KLB: variants seen among roughly 807,000 people sequenced by gnomAD.
The protein encoded by KLB is beta-klotho.
KLB carries 44 observed loss-of-function variants against 88.4 expected under a neutral mutation model. The ratio of observed to expected loss-of-function variants is 0.50; its 90% CI spans 0.39 to 0.64. KLB has a LOEUF of 0.64. KLB is among the 30% of genes least tolerant of loss of function. KLB has a pLI of 0.00. For synonymous variants in KLB, 548 were observed against 513.4 expected, an observed-to-expected ratio of 1.07 and a Z score of -0.91; for missense variants, 1,137 against 1,304.8, an observed-to-expected ratio of 0.87 and a Z score of 1.98.
intron 1 of KLB, among the ~76,000 whole-genome samples, chr4:39,429,688 C>A (rs1416761109): frequency 2.0e-5 from 3 of 152,186 alleles, no homozygotes; most frequent in Non-Finnish European, 4.4e-5. Flanking sequence ...TGCAAGGTTG[C>A]AGGGCCCAGG....
intron 3 of KLB, among the ~76,000 whole-genome samples, chr4:39,440,086 G>A (rs895758539): frequency 6.6e-6 from 1 of 151,840 alleles, no homozygotes; most frequent in Non-Finnish European, 1.5e-5. Context: ...TTACAGGTGT[G>A]AGCCACCATG....
At chr4:39,431,091 ATT>A (rs35397824) in intron 1 of KLB, among the ~76,000 whole-genome samples, 57,038 of 114,736 alleles carry the variant, frequency 0.5, 14,275 homozygotes, top group East Asian at 0.69. Context: ...TAATTTTTGT[ATT>A]TTTTTTTTTT....
At chr4:39,440,383 T>C (rs962215948) in intron 3 of KLB, among the ~76,000 whole-genome samples, 4 of 151,544 alleles carry the variant, frequency 2.6e-5, no homozygotes, top group Non-Finnish European at 4.4e-5. Context: ...TGACCTCAAG[T>C]GATCTGCCTG....
chr4:39,422,368 C>T (rs1263418625), intron 1 of KLB, among the ~76,000 whole-genome samples: 1 of 151,992 alleles, frequency 6.6e-6, no homozygotes, highest in East Asian at 1.9e-4. Context: ...CTCTGAGGTC[C>T]ACACTCTACC....
In KLB at chr4:39,421,839, G is replaced by A. The variant is rs145022709; in HGVS notation, c.826-12371G>A. 3.4e-3 allele frequency among the ~76,000 whole-genome samples: 517 copies of A among 152,034 alleles called. 2 individuals are homozygous for A. The highest frequency in any genetic ancestry group is 5.7e-3 in the Non-Finnish European group (387 of 67,978). ...AGCTCACCCTAACCTCCGCCTCCCAGGCTCAAGCAATTCTCCTGCCTCAGC... is the reference window on the plus strand; with the variant it reads ...AGCTCACCCTAACCTCCGCCTCCCAAGCTCAAGCAATTCTCCTGCCTCAGC... On this transcript the variant is annotated intron_variant, in intron 1 of 4. Transcript: ENST00000257408.
chr4:39,448,453 C>G lies in KLB; in HGVS notation c.2902C>G (p.Pro968Ala). 1 of 1,614,120 alleles carries G rather than the reference C, an allele frequency of 6.2e-7. No homozygotes were observed. Among genetic ancestry groups the G allele is most frequent in the South Asian group, 1.1e-5 (1 of 91,084 alleles). The change falls in exon 5 of 5, where the codon CCT (proline) becomes GCT (alanine). Residue 968 changes from proline to alanine, a missense_variant. Physicochemically the swap from Pro to Ala is conservative, Grantham distance 27 (BLOSUM62 -1). Transcript: ENST00000257408. ...YNKVISSRGF[P>A]FENSSSRCSQ... ...CAAAGTGATCAGCAGCAGGGGCTTC[C>G]CTTTTGAGAACAGTAGTTCTAGATG...
intron 1 of KLB, among the ~76,000 whole-genome samples, chr4:39,414,871 GA>G (rs1009834880): frequency 0.017 from 851 of 50,288 alleles, 6 homozygotes; most frequent in African/African-American, 0.029. Context: ...TCTGTCTCAG[GA>G]AAAAAAAAAA....
intron 1 of KLB, among the ~76,000 whole-genome samples, chr4:39,424,261 A>G (rs1173349528): frequency 6.6e-6 from 1 of 151,584 alleles, no homozygotes; most frequent in East Asian, 1.9e-4. Flanking sequence ...TGTAGAGACG[A>G]GGTTTTGCCA....
chr4:39,417,937 G>A (rs181793246), intron 1 of KLB, among the ~76,000 whole-genome samples: 1 of 152,204 alleles, frequency 6.6e-6, no homozygotes, highest in Admixed American at 6.5e-5. Flanking sequence ...ATCCAAGCTA[G>A]CAAGTTCTGA....
At position 39,446,287 on chromosome 4, in the gene KLB, C is replaced by T; in HGVS notation, c.1606-45C>T. On this transcript the variant is annotated intron_variant, in intron 3 of 4. Coordinates refer to ENST00000257408, the MANE Select transcript of KLB (RefSeq NM_175737.4). The surrounding 1 kb of genome is among the most constrained non-coding windows in gnomAD (Gnocchi z 6.4). ...GAGGTAGGCAGATCACTTGAGCCTCCATCTGCCAGCGCATGCTTGACCTAA... is the reference window on the plus strand; with the variant it reads ...GAGGTAGGCAGATCACTTGAGCCTCTATCTGCCAGCGCATGCTTGACCTAA... 5 of 1,551,186 alleles carry T rather than the reference C, an allele frequency of 3.2e-6. No individual in the cohort carries two copies. Among genetic ancestry groups the T allele is most frequent in the Non-Finnish European group, 3.5e-6 (4 of 1,142,186 alleles).
chr4:39,422,959 G>A (rs544323134), intron 1 of KLB, among the ~76,000 whole-genome samples: 1 of 151,714 alleles, frequency 6.6e-6, no homozygotes, highest in South Asian at 2.1e-4. Flanking sequence ...TAGAGACAGG[G>A]TTTCACCATG....
intron 3 of KLB, among the ~76,000 whole-genome samples, chr4:39,444,016 G>C (rs980786206): frequency 1.3e-5 from 2 of 151,994 alleles, no homozygotes; most frequent in Admixed American, 1.3e-4. Context: ...AACTAGCCAG[G>C]CATGGTGGCT....
At chr4:39,414,436 T>C (rs1742922728) in intron 1 of KLB, among the ~76,000 whole-genome samples, 1 of 152,164 alleles carries the variant, frequency 6.6e-6, no homozygotes, top group Non-Finnish European at 1.5e-5. Context: ...GCCTTATTTG[T>C]GAAATACTTG....
At chr4:39,437,639 T>C (rs997681454) in intron 2 of KLB, 88 bp from the exon 3 acceptor site, 13 of 1,437,012 alleles carry the variant, frequency 9.0e-6, no homozygotes, top group Non-Finnish European at 1.2e-5. Flanking sequence ...TTTTACAATA[T>C]GCTGTCCTCT....
chr4:39,440,471 A>G (rs1462257281), intron 3 of KLB, among the ~76,000 whole-genome samples: 4 of 152,116 alleles, frequency 2.6e-5, no homozygotes, highest in Non-Finnish European at 5.9e-5. Context: ...TAATAGAAGC[A>G]TATGGAAAGA....
In KLB at chr4:39,434,319, A is replaced by G. The variant is rs1424278266; in HGVS notation, c.935A>G (p.Asn312Ser). ...TGGATCGAGCCAAACCGGTCGGAAA[A>G]CACGATGGATATATTCAAATGTCAA... ...SHWIEPNRSE[N>S]TMDIFKCQQS... The change falls in exon 2 of 5, where the codon AAC becomes AGC. Residue 312 changes from asparagine (N) to serine (S), a missense_variant. Asn to Ser is a conservative substitution (Grantham distance 46). This residue lies in a region of KLB where 597 missense variants were observed against 765.2 expected (regional missense o/e 0.78). Coordinates refer to ENST00000257408, the MANE Select transcript of KLB (RefSeq NM_175737.4). 6.2e-7 allele frequency: 1 copy of G among 1,614,096 alleles called. No homozygotes were observed. Among genetic ancestry groups the G allele is most frequent in the Non-Finnish European group, 8.5e-7 (1 of 1,180,042 alleles).
chr4:39,437,815 C>T lies in KLB; in HGVS notation c.1425C>T (p.Arg475=). The T allele has an allele frequency of 6.2e-7, 1 of 1,614,110 alleles. No individual in the cohort carries two copies. Among genetic ancestry groups the T allele is most frequent in the Non-Finnish European group, 8.5e-7 (1 of 1,180,024 alleles). The change falls in exon 3 of 5, where the codon CGC becomes CGT. Residue 475 remains arginine (R), a synonymous_variant. Coordinates refer to ENST00000257408, the MANE Select transcript of KLB (RefSeq NM_175737.4). ...AATGGCAGGATGCTTACACCATCCGCCGAGGATTATTTTATGTGGATTTTA... is the reference window on the plus strand; with the variant it reads ...AATGGCAGGATGCTTACACCATCCGTCGAGGATTATTTTATGTGGATTTTA... ...GFEWQDAYTI[R]RGLFYVDFNS...
intron 1 of KLB, among the ~76,000 whole-genome samples, chr4:39,426,413 T>TAAAAA (rs869183002): frequency 4.6e-5 from 3 of 65,440 alleles, no homozygotes; most frequent in African/African-American, 6.6e-5. Flanking sequence ...GACTCCTATC[T>TAAAAA]AAAAAAAAAA....
intron 3 of KLB, among the ~76,000 whole-genome samples, chr4:39,439,664 CTT>C (rs56870853): frequency 2.9e-5 from 4 of 135,950 alleles, no homozygotes; most frequent in East Asian, 2.2e-4. Flanking sequence ...GCAAATTTTT[CTT>C]TTTTTTTTTT....
Sources: gnomAD v4.1 joint callset for allele counts (sites outside exome capture counted in the v4.1 genomes callset) on GRCh38, gnomAD v4.1.1 for gene constraint, gnomAD v4.1.1 regional missense constraint, Gnocchi (gnomAD v3.1) non-coding constraint, MANE v1.5 for transcripts, NCBI Gene and HGNC (gene_info 2026-07-23, HGNC 2026-07-21) for gene names.